MTA3: variants seen among roughly 807,000 people sequenced by gnomAD.
MTA3 encodes the protein metastasis associated 1 family member 3, also known as metastasis-associated protein MTA3.
MTA3 carries 34 observed loss-of-function variants against 83.5 expected under a neutral mutation model. The ratio of observed to expected loss-of-function variants is 0.41; its 90% confidence interval spans 0.31 to 0.54. MTA3 has a LOEUF of 0.54. Ranked by LOEUF, MTA3 falls within the 20% of genes least tolerant of loss-of-function variation. The probability of loss-of-function intolerance (pLI) is 0.33; values close to 1 mark genes in which losing one functional copy is unlikely to be tolerated. For missense variants in MTA3, 761 were observed against 726.4 expected, an observed-to-expected ratio of 1.05 and a Z score of -0.55; for synonymous variants, 303 against 252.7, an observed-to-expected ratio of 1.20 and a Z score of -1.89.
chr2:42,622,018 G>A (rs1685611734), intron 4 of MTA3, among the ~76,000 whole-genome samples: 1 of 152,226 alleles, frequency 6.6e-6, no homozygotes, highest in Admixed American at 6.5e-5. Context: ...CCGGGCAGAG[G>A]CTGCAGTCTC....
In MTA3 at chr2:42,723,033, A is replaced by G. The variant is rs1484434174; in HGVS notation, c.1757A>G (p.Asp586Gly). 1.3e-6 allele frequency: 2 copies of G among 1,550,636 alleles called. No individual in the cohort carries two copies. The highest frequency in any genetic ancestry group is 2.4e-5 in the South Asian group (2 of 84,048). Residue 586 changes from aspartate to glycine, a missense_variant and splice_region_variant, in exon 16 of 17, where the codon GAT becomes GGT. Physicochemically the swap from Asp to Gly is moderately conservative, Grantham distance 94. Transcript: ENST00000405094. ...AACTACAGTCATCACAATGGTCTGG[A>G]TGGTATGTAAGCCCAGGAATTCTGG... ...KRNYSHHNGLDELTCCVSD is the reference protein window; with the variant it reads ...KRNYSHHNGLGELTCCVSD
At chr2:42,624,177 C>G (rs1158878434) in intron 4 of MTA3, among the ~76,000 whole-genome samples, 1 of 151,834 alleles carries the variant, frequency 6.6e-6, no homozygotes, top group Non-Finnish European at 1.5e-5. Flanking sequence ...TCAGACTTTT[C>G]TTTGTTTAGT....
intron 5 of MTA3, 25 bp downstream of exon 5, chr2:42,640,261 G>T (rs1333835713): frequency 2.0e-6 from 3 of 1,531,306 alleles, no homozygotes; most frequent in Non-Finnish European, 8.9e-7. Context: ...TAGTTGTTTT[G>T]TTTTTTTCTC....
At chr2:42,533,965 C>G (rs1351746457) in intron 2 of MTA3, among the ~76,000 whole-genome samples, 1 of 152,010 alleles carries the variant, frequency 6.6e-6, no homozygotes, top group Admixed American at 6.6e-5. Context: ...ATCTCGTTCA[C>G]ATTATTGGGC....
chr2:42,716,884 C>A (rs1667068192), intron 14 of MTA3, among the ~76,000 whole-genome samples: 1 of 152,094 alleles, frequency 6.6e-6, no homozygotes, highest in African/African-American at 2.4e-5. Context: ...CTGTTTCTAG[C>A]TCTTTGAGGA....
chr2:42,585,591 C>T (rs934710642), intron 3 of MTA3, among the ~76,000 whole-genome samples: 8 of 151,278 alleles, frequency 5.3e-5, no homozygotes, highest in African/African-American at 1.9e-4. Flanking sequence ...TCGCCTGCCT[C>T]AGCCTTCTGA....
chr2:42,652,575 G>A (rs566237603), intron 6 of MTA3, among the ~76,000 whole-genome samples: 1 of 152,210 alleles, frequency 6.6e-6, no homozygotes, highest in African/African-American at 2.4e-5. Context: ...TAAACTCCTG[G>A]CCTCAAATGA....
intron 2 of MTA3, among the ~76,000 whole-genome samples, chr2:42,519,988 G>C (rs184512985): frequency 6.6e-6 from 1 of 152,248 alleles, no homozygotes; most frequent in East Asian, 1.9e-4. Context: ...GTTGCAGTGA[G>C]TTGAGATCAC....
intron 16 of MTA3, among the ~76,000 whole-genome samples, chr2:42,729,097 T>TTTTTTTG (rs1668051142): frequency 2.5e-5 from 3 of 121,466 alleles, no homozygotes; most frequent in Non-Finnish European, 3.4e-5. Flanking sequence ...TTTTTTTTTT[T>TTTTTTTG]TTTTTTTTTT....
chr2:42,538,775 T>TG (rs1174086536), intron 2 of MTA3, among the ~76,000 whole-genome samples: 7 of 117,044 alleles, frequency 6.0e-5, no homozygotes, highest in South Asian at 3.0e-4. Context: ...TTGTTTTTTT[T>TG]TGTTTTTTTT....
intron 2 of MTA3, among the ~76,000 whole-genome samples, chr2:42,512,335 C>T (rs1674942384): frequency 6.6e-6 from 1 of 152,048 alleles, no homozygotes; most frequent in Admixed American, 6.6e-5. Context: ...CCTAGTTTTT[C>T]GGGATTCCAC....
intron 4 of MTA3, among the ~76,000 whole-genome samples, chr2:42,622,714 A>C (rs1300023527): frequency 3.3e-5 from 5 of 151,482 alleles, no homozygotes; most frequent in Non-Finnish European, 7.4e-5. Flanking sequence ...CTGATCTTCA[A>C]CTCCTGGCCT....
intron 3 of MTA3, among the ~76,000 whole-genome samples, chr2:42,583,570 A>T (rs6736719): frequency 2.0e-5 from 3 of 152,042 alleles, no homozygotes; most frequent in Non-Finnish European, 2.9e-5. Context: ...GTCTTGCTCT[A>T]TCGCTCAGGC....
chr2:42,669,405 T>A (rs913153385), intron 8 of MTA3, among the ~76,000 whole-genome samples: 1 of 152,114 alleles, frequency 6.6e-6, no homozygotes, highest in Non-Finnish European at 1.5e-5. Flanking sequence ...AATCTTTTGA[T>A]TAGCATTTTA....
At chr2:42,552,971 A>G (rs986637884) in intron 2 of MTA3, among the ~76,000 whole-genome samples, 2 of 151,590 alleles carry the variant, frequency 1.3e-5, no homozygotes, top group African/African-American at 4.8e-5. Flanking sequence ...AAAAAAAAAA[A>G]AATCAAAGAA....
intron 3 of MTA3, among the ~76,000 whole-genome samples, chr2:42,602,409 C>T (rs969833334): frequency 6.6e-6 from 1 of 152,122 alleles, no homozygotes; most frequent in Non-Finnish European, 1.5e-5. Context: ...GGGTAATTAC[C>T]TAGGAGAAAC....
intron 2 of MTA3, among the ~76,000 whole-genome samples, chr2:42,535,532 C>A (rs1490427785): frequency 6.6e-6 from 1 of 152,160 alleles, no homozygotes; most frequent in African/African-American, 2.4e-5. Flanking sequence ...CAACTCCCTT[C>A]CTTCCTTTTA....
intron 2 of MTA3, among the ~76,000 whole-genome samples, chr2:42,570,938 G>A (rs1678405983): frequency 6.6e-6 from 1 of 151,798 alleles, no homozygotes; most frequent in South Asian, 2.1e-4. Context: ...GCTTGAACCC[G>A]GGAGGCGGAG....
intron 9 of MTA3, among the ~76,000 whole-genome samples, chr2:42,686,287 G>A (rs573271357): frequency 1.1e-4 from 16 of 152,306 alleles, no homozygotes; most frequent in South Asian, 8.3e-4. Flanking sequence ...GCTTTATTCC[G>A]AAGCTTAATT....
Sources: allele counts gnomAD v4.1 joint callset (sites outside exome capture counted in the v4.1 genomes callset), GRCh38; gene constraint gnomAD v4.1.1; transcripts MANE v1.5; gene names NCBI Gene and HGNC (gene_info 2026-07-23, HGNC 2026-07-21).